The following ABHD2 variants were observed in gnomAD, a reference collection of about 807,000 sequenced individuals.
ABHD2 encodes the protein monoacylglycerol lipase ABHD2.
ABHD2 carries 20 observed loss-of-function variants against 48.1 expected under a neutral mutation model. The ratio of observed to expected loss-of-function variants is 0.42; its 90% CI spans 0.29 to 0.60. The LOEUF is 0.60. Ranked by LOEUF, ABHD2 falls within the 20% of genes least tolerant of loss-of-function variation. The pLI is 0.24. For synonymous variants in ABHD2, 209 were observed against 214.2 expected, an observed-to-expected ratio of 0.98 and a Z score of 0.21; for missense variants, 405 against 550.9, an observed-to-expected ratio of 0.74 and a Z score of 2.65.
At chr15:89,170,462 G>C (rs1484676853) in intron 5 of ABHD2, among the ~76,000 whole-genome samples, 1 of 147,234 alleles carries the variant, frequency 6.8e-6, no homozygotes, top group Non-Finnish European at 1.5e-5. Context: ...TGGAAATTTA[G>C]GTTGTTTCCA....
Position 89,091,161 on chromosome 15 carries a change from G to T in ABHD2, c.-107+2598G>T, listed in dbSNP as rs1197594729. Among the ~76,000 whole-genome samples the T allele has an allele frequency of 2.0e-5, 3 of 152,004 alleles. No homozygotes were observed. Among genetic ancestry groups the T allele is most frequent in the African/African-American group, 7.2e-5 (3 of 41,384 alleles). On this transcript the variant is annotated intron_variant, in intron 1 of 10. Transcript: ENST00000352732. The surrounding 1 kb of genome is among the most constrained non-coding windows in gnomAD (Gnocchi z 5.5). ...TTCATTTCCTTTATCGCCTGCGTGG[G>T]TCTGACAAATAGGCACTCTCAGTGT... is the stretch of plus-strand genomic sequence containing the variant.
the ABHD2 span, among the ~76,000 whole-genome samples, chr15:89,058,422 T>G: frequency 6.6e-6 from 1 of 152,128 alleles, no homozygotes; most frequent in Non-Finnish European, 1.5e-5. Context: ...AAAATGAAGA[T>G]GCCCCGCAGG....
rs933616018 is a variant in ABHD2 at position 89,186,137 on chromosome 15, T to C, written c.815+621T>C. On this transcript the variant is annotated intron_variant, in intron 7 of 10. Transcript: ENST00000352732. The surrounding 1 kb of genome is among the most constrained non-coding windows in gnomAD (Gnocchi z 4.3). Reference sequence around the variant, plus strand: ...TGAGGAGACCTTCCCTGTAGGATGCTTCTGTGCCTGGGGGATCAGGACTCA... The same window carrying C: ...TGAGGAGACCTTCCCTGTAGGATGCCTCTGTGCCTGGGGGATCAGGACTCA... Among the ~76,000 whole-genome samples, 6 of 152,196 alleles carry C rather than the reference T, an allele frequency of 3.9e-5. No individual in the cohort carries two copies. The highest frequency in any genetic ancestry group is 1.4e-4 in the African/African-American group (6 of 41,452).
chr15:89,127,218 T>C (rs1356384210), intron 3 of ABHD2, among the ~76,000 whole-genome samples: 2 of 152,092 alleles, frequency 1.3e-5, no homozygotes, highest in Non-Finnish European at 2.9e-5. Context: ...CCACCCTAAC[T>C]CTACCTGCTG....
the ABHD2 span, among the ~76,000 whole-genome samples, chr15:89,063,713 A>G: frequency 6.6e-6 from 1 of 152,154 alleles, no homozygotes; most frequent in Non-Finnish European, 1.5e-5. Flanking sequence ...TCACATTGTT[A>G]TACATCTATC....
chr15:89,122,764 T>C (rs1363024050), intron 3 of ABHD2, among the ~76,000 whole-genome samples: 1 of 152,214 alleles, frequency 6.6e-6, no homozygotes, highest in African/African-American at 2.4e-5. Context: ...AAAATGTACA[T>C]ACTGCCCTGT....
rs776132086 is a variant in ABHD2, at chr15:89,188,320, G to A, written c.926+17G>A. The A allele has an allele frequency of 1.8e-5, 29 of 1,611,862 alleles. No individual in the cohort carries two copies. The highest frequency in any genetic ancestry group is 2.3e-5 in the Non-Finnish European group (27 of 1,178,200). On this transcript the variant is annotated intron_variant, in intron 8 of 10. Coordinates refer to ENST00000352732, the MANE Select transcript of ABHD2 (RefSeq NM_152924.5). The surrounding 1 kb of genome is among the most constrained non-coding windows in gnomAD (Gnocchi z 4.1). ...TGTGATGAGGTGTGTCCGCGCAGGCGGGAGAGGGACGCTCTGGGGCAGGGT... is the reference window on the plus strand; with the variant it reads ...TGTGATGAGGTGTGTCCGCGCAGGCAGGAGAGGGACGCTCTGGGGCAGGGT...
intron 3 of ABHD2, among the ~76,000 whole-genome samples, chr15:89,150,043 A>G (rs924452436): frequency 3.9e-5 from 6 of 152,234 alleles, no homozygotes; most frequent in Non-Finnish European, 8.8e-5. Context: ...TGTCATCATT[A>G]AATGTGAAAT....
At position 89,176,264 on chromosome 15, in the gene ABHD2, A is replaced by G. The variant is rs1228308914; in HGVS notation, c.722+269A>G. On this transcript the variant is annotated intron_variant, in intron 6 of 10. Transcript: ENST00000352732. This position sits in a 1 kb window ranked among gnomAD's most constrained non-coding sequence, Gnocchi z 4.5. ...CCCCCTTTGATAGTTGCTGTCTCCT[A>G]GGGAATCTCTGTCAGGTGACTTAAT... Among the ~76,000 whole-genome samples, 5 of 152,252 alleles carry G rather than the reference A, an allele frequency of 3.3e-5. No homozygotes were observed. The highest frequency in any genetic ancestry group is 5.9e-5 in the Non-Finnish European group (4 of 68,014).
Position 89,170,014 on chromosome 15 carries a change from C to A in ABHD2, c.539-5798C>A, listed in dbSNP as rs960094567. Among the ~76,000 whole-genome samples the A allele has an allele frequency of 2.7e-5, 4 of 149,182 alleles. No individual in the cohort carries two copies. In the Admixed American group the frequency reaches 2.7e-4, roughly 10 times the overall value. The stretch of plus-strand genomic sequence containing the variant: ...GCAAACACGGGAGAGGGTGCCAGCC[C>A]CACTGTTTCACCCCTTGTTTTTATC... On this transcript the variant is annotated intron_variant, in intron 5 of 10. Transcript: ENST00000352732.
At chr15:89,061,043 C>T in the ABHD2 span, among the ~76,000 whole-genome samples, 2 of 152,058 alleles carry the variant, frequency 1.3e-5, no homozygotes, top group Admixed American at 1.3e-4. Flanking sequence ...AATGGGTACT[C>T]ATGGACATAA....
chr15:89,136,337 A>G (rs2050312151), intron 3 of ABHD2: 1 of 513,464 alleles, frequency 1.9e-6, no homozygotes. Flanking sequence ...TCTGTTTAGT[A>G]GGCATGGTCT....
intron 1 of ABHD2, among the ~76,000 whole-genome samples, chr15:89,105,049 C>T (rs1175013428): frequency 6.6e-6 from 1 of 152,174 alleles, no homozygotes; most frequent in Non-Finnish European, 1.5e-5. Flanking sequence ...AAACACCTGG[C>T]GTAAGATTTT....
At chr15:89,135,593 C>A in intron 3 of ABHD2, 1 of 1,537,778 alleles carries the variant, frequency 6.5e-7, no homozygotes, top group Non-Finnish European at 8.8e-7. Flanking sequence ...TCCTCTTCAT[C>A]TTCCTCATCT....
In ABHD2 at chr15:89,151,603, G is replaced by A; in HGVS notation, c.195-74G>A. ...CCTGGAACAAAAATAGGTTGAAAGA[G>A]TTTTGCTAAAAGATTTTTCAGAACG... On this transcript the variant is annotated intron_variant, in intron 3 of 10. Coordinates refer to ENST00000352732, the MANE Select transcript of ABHD2 (RefSeq NM_152924.5). The surrounding 1 kb of genome is among the most constrained non-coding windows in gnomAD (Gnocchi z 4.7). 1 of 1,511,752 alleles carries A rather than the reference G, an allele frequency of 6.6e-7. No individual in the cohort carries two copies. Among genetic ancestry groups the A allele is most frequent in the African/African-American group, 1.4e-5 (1 of 72,074 alleles). 93.6% of individuals were successfully genotyped at this position (1,511,752 alleles called of 1,614,324 possible). A position where few individuals can be genotyped will look rare whatever the true frequency, so the allele number is the denominator to read the frequency against.
chr15:89,077,793 C>T, the ABHD2 span, among the ~76,000 whole-genome samples: 1 of 152,154 alleles, frequency 6.6e-6, no homozygotes, highest in South Asian at 2.1e-4. Flanking sequence ...TTTCATTCTC[C>T]CAAGTTCAAG....
chr15:89,053,756 C>A, the ABHD2 span, among the ~76,000 whole-genome samples: 1 of 152,220 alleles, frequency 6.6e-6, no homozygotes, highest in Non-Finnish European at 1.5e-5. Flanking sequence ...CAAAGACATA[C>A]CTATGATGGC....
chr15:89,089,618 A>T (rs1426578216), intron 1 of ABHD2, among the ~76,000 whole-genome samples: 1 of 152,210 alleles, frequency 6.6e-6, no homozygotes, highest in Non-Finnish European at 1.5e-5. Flanking sequence ...CAGGCTCCAC[A>T]GAGGGACCTG....
Position 89,201,950 on chromosome 15 carries a change from T to C in ABHD2, c.*6527T>C, listed in dbSNP as rs2051470539. ...TTATGTTGGCAGATCTGCTTCCAGA[T>C]TGATTTTTAGAGCACCATCACTTTC... On this transcript the variant is annotated 3_prime_UTR_variant, in exon 11 of 11. Transcript: ENST00000352732. 2.0e-6 allele frequency: 1 copy of C among 506,680 alleles called. No individual in the cohort carries two copies. Among genetic ancestry groups the C allele is most frequent in the African/African-American group, 2.0e-5 (1 of 50,888 alleles). 31.4% of individuals were successfully genotyped at this position (506,680 alleles called of 1,614,324 possible).
Sources: allele counts gnomAD v4.1 joint callset (sites outside exome capture counted in the v4.1 genomes callset), GRCh38; gene constraint gnomAD v4.1.1; non-coding constraint Gnocchi (gnomAD v3.1); transcripts MANE v1.5; gene names NCBI Gene and HGNC (gene_info 2026-07-23, HGNC 2026-07-21).